Variants in SCFD2 observed in about 807,000 individuals in gnomAD.
The protein encoded by SCFD2 is sec1 family domain-containing protein 2.
SCFD2 carries 54 observed loss-of-function variants against 58.9 expected under a neutral mutation model. The ratio of observed to expected loss-of-function variants is 0.92; its 90% CI spans 0.74 to 1.15. The LOEUF (loss-of-function observed/expected upper bound fraction) is 1.15. Ranked by LOEUF, SCFD2 falls within the 50% of genes most tolerant of loss-of-function variation. The pLI is 0.00. For missense variants in SCFD2, 805 were observed against 836.6 expected, an observed-to-expected ratio of 0.96 and a Z score of 0.47; for synonymous variants, 321 against 335.9, an observed-to-expected ratio of 0.96 and a Z score of 0.49.
At chr4:53,140,518 C>G (rs1406403943) in intron 5 of SCFD2, among the ~76,000 whole-genome samples, 1 of 151,090 alleles carries the variant, frequency 6.6e-6, no homozygotes. Flanking sequence ...ATTTCAATGG[C>G]TTGAAGTGAT....
At chr4:53,076,284 T>TAA (rs144856183) in intron 5 of SCFD2, among the ~76,000 whole-genome samples, 1 of 151,908 alleles carries the variant, frequency 6.6e-6, no homozygotes, top group African/African-American at 2.4e-5. Context: ...TTCTTTTGGC[T>TAA]AAAAAAATTC....
chr4:53,324,479 AG>A (rs926113597), intron 2 of SCFD2, among the ~76,000 whole-genome samples: 1 of 152,000 alleles, frequency 6.6e-6, no homozygotes, highest in African/African-American at 2.4e-5. Flanking sequence ...ACTGTCAAAA[AG>A]GAAGAAGTTC....
At chr4:52,909,028 A>G (rs778524152) in intron 6 of SCFD2, among the ~76,000 whole-genome samples, 6 of 152,320 alleles carry the variant, frequency 3.9e-5, no homozygotes, top group South Asian at 2.1e-4. Flanking sequence ...TTTTTAAATC[A>G]GACTATTGAC....
chr4:53,064,485 A>G (rs929032587), intron 5 of SCFD2, among the ~76,000 whole-genome samples: 8 of 152,144 alleles, frequency 5.3e-5, no homozygotes, highest in Non-Finnish European at 1.2e-4. Flanking sequence ...GATAGAGCCC[A>G]TTATGCCTCA....
intron 5 of SCFD2, among the ~76,000 whole-genome samples, chr4:53,093,122 T>A (rs1724519977): frequency 6.6e-6 from 1 of 152,060 alleles, no homozygotes; most frequent in Non-Finnish European, 1.5e-5. Context: ...GGAGAGTTGA[T>A]CATAAGTGGT....
intron 4 of SCFD2, among the ~76,000 whole-genome samples, chr4:53,168,212 A>G (rs1468029698): frequency 1.3e-5 from 2 of 152,210 alleles, no homozygotes; most frequent in Non-Finnish European, 2.9e-5. Flanking sequence ...GGGTTGCCTT[A>G]CAGGTGGGAG....
chr4:53,100,712 G>A (rs1286356386), intron 5 of SCFD2, among the ~76,000 whole-genome samples: 2 of 152,158 alleles, frequency 1.3e-5, no homozygotes, highest in African/African-American at 4.8e-5. Context: ...AAGTGTTCAA[G>A]ATTACAGAAA....
chr4:53,013,023 G>A (rs931787703), intron 5 of SCFD2, among the ~76,000 whole-genome samples: 30 of 152,250 alleles, frequency 2.0e-4, no homozygotes, highest in African/African-American at 7.2e-4. Flanking sequence ...AAAAGGAGCT[G>A]CAGAGCTCCT....
intron 5 of SCFD2, among the ~76,000 whole-genome samples, chr4:52,984,670 C>A (rs190140585): frequency 6.6e-6 from 1 of 152,196 alleles, no homozygotes; most frequent in African/African-American, 2.4e-5. Context: ...CTTGTTGAAT[C>A]ATCAACGACA....
intron 5 of SCFD2, among the ~76,000 whole-genome samples, chr4:53,004,165 A>G (rs1393179155): frequency 6.6e-6 from 1 of 152,214 alleles, no homozygotes; most frequent in Non-Finnish European, 1.5e-5. Context: ...AAGAACATGC[A>G]CACGATATGT....
chr4:52,895,202 G>T (rs747020884), intron 7 of SCFD2, among the ~76,000 whole-genome samples: 2 of 151,964 alleles, frequency 1.3e-5, no homozygotes, highest in Non-Finnish European at 2.9e-5. Flanking sequence ...TTAAGTTTTA[G>T]GATACATGTG....
At chr4:53,222,882 A>G (rs1012048967) in intron 4 of SCFD2, among the ~76,000 whole-genome samples, 3 of 152,202 alleles carry the variant, frequency 2.0e-5, no homozygotes, top group African/African-American at 7.2e-5. Flanking sequence ...TGGTACCCAG[A>G]TATTTGCAGG....
At chr4:52,976,524 G>C (rs1721264026) in intron 5 of SCFD2, among the ~76,000 whole-genome samples, 1 of 152,134 alleles carries the variant, frequency 6.6e-6, no homozygotes, top group Non-Finnish European at 1.5e-5. Context: ...AAATTCTGGT[G>C]GAGAGGAAGG....
At chr4:53,218,969 A>G (rs1422044217) in intron 4 of SCFD2, among the ~76,000 whole-genome samples, 1 of 152,192 alleles carries the variant, frequency 6.6e-6, no homozygotes. Context: ...GCTGAACAGC[A>G]AATGTTGTTG....
chr4:52,983,309 A>G (rs1270232689), intron 5 of SCFD2, among the ~76,000 whole-genome samples: 1 of 152,252 alleles, frequency 6.6e-6, no homozygotes, highest in East Asian at 1.9e-4. Flanking sequence ...ACATCACAGT[A>G]CAGCAGAGAA....
At chr4:52,989,912 C>A (rs369819080) in intron 5 of SCFD2, among the ~76,000 whole-genome samples, 1 of 152,172 alleles carries the variant, frequency 6.6e-6, no homozygotes, top group South Asian at 2.1e-4. Context: ...CTTCCTCTGT[C>A]TACACTCTGC....
chr4:52,945,300 T>A (rs556455438), intron 5 of SCFD2, among the ~76,000 whole-genome samples: 30 of 152,256 alleles, frequency 2.0e-4, no homozygotes, highest in African/African-American at 6.7e-4. Context: ...GCATTATGAA[T>A]CTTATTTAAT....
intron 5 of SCFD2, chr4:52,950,983 G>A (rs1223919954): frequency 6.6e-6 from 1 of 152,208 alleles, no homozygotes; most frequent in African/African-American, 2.4e-5. Context: ...TTAGTGGAAT[G>A]GGAGCACAAC....
intron 4 of SCFD2, among the ~76,000 whole-genome samples, chr4:53,208,925 G>A (rs1379124692): frequency 6.6e-6 from 1 of 152,066 alleles, no homozygotes; most frequent in Non-Finnish European, 1.5e-5. Context: ...AGGGACTCTT[G>A]GCCACAGGAA....
Sources: allele counts gnomAD v4.1 joint callset (sites outside exome capture counted in the v4.1 genomes callset), GRCh38; gene constraint gnomAD v4.1.1; transcripts MANE v1.5; gene names NCBI Gene and HGNC (gene_info 2026-07-23, HGNC 2026-07-21).